Variants in HDAC7 observed in about 807,000 individuals in gnomAD.
HDAC7 encodes the protein histone deacetylase 7A.
A neutral mutation model predicts 115.5 loss-of-function variants in HDAC7; 26 were observed. The ratio of observed to expected loss-of-function variants is 0.23; its 90% CI spans 0.16 to 0.31. HDAC7 has a LOEUF of 0.31. Among genes scored for constraint, HDAC7 ranks in the 10% least tolerant of loss-of-function variants. HDAC7 has a pLI of 1.00. For missense variants in HDAC7, 1,068 were observed against 1,329.0 expected (o/e 0.80, Z 3.05); for synonymous variants, 564 against 550.9 (o/e 1.02, Z -0.33).
intron 15 of HDAC7, 48 bp from the exon 16 acceptor site, chr12:47,791,356 T>C: frequency 1.3e-6 from 2 of 1,517,878 alleles, no homozygotes; most frequent in East Asian, 2.4e-5. Flanking sequence ...TCTCAGCCTT[T>C]GGCCCAACAG....
chr12:47,796,697 T>TCCC (rs1266323923), intron 7 of HDAC7, among the ~76,000 whole-genome samples: 2 of 152,142 alleles, frequency 1.3e-5, no homozygotes, highest in African/African-American at 4.8e-5. Context: ...GTGCTGAGAT[T>TCCC]ATAGGCGTGA....
intron 24 of HDAC7, 43 bp from the exon 25 acceptor site, chr12:47,784,260 C>G: frequency 6.3e-7 from 1 of 1,578,850 alleles, no homozygotes; most frequent in Admixed American, 1.8e-5. Context: ...AGAAAGCAAG[C>G]CCCTCCACAC....
At chr12:47,800,994 A>G (rs1048403150) in intron 2 of HDAC7, among the ~76,000 whole-genome samples, 1 of 152,226 alleles carries the variant, frequency 6.6e-6, no homozygotes, top group Non-Finnish European at 1.5e-5. Context: ...TCCACCTGTC[A>G]CAAATCCACA....
chr12:47,796,067 C>T (rs1012814084), intron 8 of HDAC7, 51 bp from the exon 9 acceptor site: 8 of 1,535,134 alleles, frequency 5.2e-6, no homozygotes, highest in African/African-American at 1.4e-5. Flanking sequence ...TCTACCCCGG[C>T]GCACCTTCCC....
rs151069610 is a variant in HDAC7, at chr12:47,794,886, C to T, written c.1332G>A (p.Ser444=). The T allele has an allele frequency of 2.7e-5, 44 of 1,613,304 alleles. No individual in the cohort carries two copies. The African/African-American group carries it at 3.1e-4, about 11-fold the overall frequency. The change falls in exon 12 of 26, where the codon TCG becomes TCA. Residue 444 remains serine (S), a synonymous_variant. Transcript: ENST00000080059. The part of the protein sequence containing the change: ...SEKPRLRQIP[S]AEDLETDGGG... The stretch of plus-strand genomic sequence containing the variant: ...CGCCATCTGTCTCCAGGTCTTCAGC[C>T]GAGGGTATCTGCCGCAGCCGGGGCT...
chr12:47,798,623 C>T lies in HDAC7; in HGVS notation c.288G>A (p.Leu96=). 6.2e-7 allele frequency: 1 copy of T among 1,613,938 alleles called. No individual in the cohort carries two copies. Among genetic ancestry groups the T allele is most frequent in the East Asian group, 2.2e-5 (1 of 44,886 alleles). ...GCTCTTGTTCCTGGGGTCCCACCTG[C>T]AACTCGGGCATCGGCGTGTCCATGG... ...RLSMDTPMPE[L]QVGPQEQELR... is the part of the protein sequence containing the mutation. The change falls in exon 4 of 26, where the codon TTG becomes TTA. Residue 96 remains leucine (L), a synonymous_variant. Coordinates refer to ENST00000080059, the MANE Select transcript of HDAC7 (RefSeq NM_015401.5). This position sits in a 1 kb window ranked among gnomAD's most constrained non-coding sequence, Gnocchi z 4.3.
chr12:47,790,170 C>T (rs1277609789), intron 16 of HDAC7: 2 of 513,840 alleles, frequency 3.9e-6, no homozygotes, highest in Admixed American at 3.2e-5. Flanking sequence ...AGCATCACGC[C>T]TGCCTCCCCG....
intron 19 of HDAC7, 73 bp from the exon 20 acceptor site, chr12:47,788,237 G>C: frequency 6.6e-7 from 1 of 1,507,156 alleles, no homozygotes; most frequent in Non-Finnish European, 8.9e-7. Flanking sequence ...AGGGTTTCAA[G>C]GTCAGTGGCC....
At chr12:47,790,816 C>T (rs548284844) in intron 16 of HDAC7, 12 of 221,630 alleles carry the variant, frequency 5.4e-5, no homozygotes, top group Admixed American at 1.6e-4. Flanking sequence ...GTGCTGGGAT[C>T]GCCAAGGACA....
intron 1 of HDAC7, among the ~76,000 whole-genome samples, chr12:47,808,181 G>A (rs1170211228): frequency 6.6e-6 from 1 of 152,194 alleles, no homozygotes; most frequent in African/African-American, 2.4e-5. Flanking sequence ...GGGCCCTGAG[G>A]CAGCTATTTT....
chr12:47,812,790 T>C (rs1944722078), intron 1 of HDAC7: 1 of 152,252 alleles, frequency 6.6e-6, no homozygotes, highest in South Asian at 2.1e-4. Context: ...TCAGCATCCT[T>C]ACTCAAGATC....
At position 47,795,221 on chromosome 12, in the gene HDAC7, C is replaced by T. The variant is rs757098292; in HGVS notation, c.1247G>A (p.Arg416His). ...APPPPGPMQPRLEQLKTHVQV... is the reference protein window; with the variant it reads ...APPPPGPMQPHLEQLKTHVQV... The stretch of plus-strand genomic sequence containing the variant: ...GACGTGAGTTTTGAGCTGCTCCAGG[C>T]GGGGCTGCATGGGGCCCGGCGGTGG... The change falls in exon 11 of 26, where the codon CGC becomes CAC. Residue 416 changes from arginine to histidine, a missense_variant. By Grantham distance (29) the Arg-to-His change is conservative (BLOSUM62 0). Transcript: ENST00000080059. The surrounding 1 kb of genome is among the most constrained non-coding windows in gnomAD (Gnocchi z 4.3). The T allele has an allele frequency of 9.3e-6, 15 of 1,612,846 alleles. No individual in the cohort carries two copies. The highest frequency in any genetic ancestry group is 3.3e-5 in the South Asian group (3 of 90,938).
chr12:47,786,034 G>T, intron 22 of HDAC7, 149 bp from the exon 23 acceptor site: 1 of 853,008 alleles, frequency 1.2e-6, no homozygotes, highest in Non-Finnish European at 1.7e-6. Flanking sequence ...CACATTGAAT[G>T]TCGTACAAAA....
Position 47,793,437 on chromosome 12 carries a change from T to C in HDAC7, c.1610A>G (p.Glu537Gly), listed in dbSNP as rs1943639548. The C allele has an allele frequency of 1.3e-6, 2 of 1,560,764 alleles. No individual in the cohort carries two copies. The highest frequency in any genetic ancestry group is 2.7e-5 in the African/African-American group (2 of 74,156). Residue 537 changes from glutamate (E) to glycine (G), a missense_variant, in exon 13 of 26, where the codon GAG becomes GGG. Coordinates refer to ENST00000080059, the MANE Select transcript of HDAC7 (RefSeq NM_015401.5). The surrounding 1 kb of genome is among the most constrained non-coding windows in gnomAD (Gnocchi z 4.5). Reference protein sequence around the residue: ...PAAPASLSAPEPASQARVLSS... With the variant: ...PAAPASLSAPGPASQARVLSS... ...GAGGACTCGGGCCTGGCTGGCAGGC[T>C]CTGGGGCTGACAGTGAGGCAGGTGC...
At chr12:47,791,821 C>CCCAAAA in intron 14 of HDAC7, 50 bp downstream of exon 14, 2 of 1,540,974 alleles carry the variant, frequency 1.3e-6, no homozygotes, top group Non-Finnish European at 8.9e-7. Flanking sequence ...CCTCCCCTCC[C>CCCAAAA]ATGACTCCTC....
chr12:47,815,295 C>T (rs1336313696), intron 1 of HDAC7, among the ~76,000 whole-genome samples: 1 of 152,190 alleles, frequency 6.6e-6, no homozygotes, highest in African/African-American at 2.4e-5. Context: ...ATCGGGTCCA[C>T]GTCATCACAA....
intron 12 of HDAC7, 27 bp downstream of exon 12, chr12:47,794,733 C>G: frequency 6.5e-7 from 1 of 1,538,550 alleles, no homozygotes. Flanking sequence ...AGGACACTTT[C>G]TGAGGGGCAG....
intron 18 of HDAC7, 66 bp from the exon 19 acceptor site, chr12:47,789,414 G>A: frequency 6.3e-7 from 1 of 1,575,756 alleles, no homozygotes; most frequent in East Asian, 2.2e-5. Flanking sequence ...CAGGCCCCTG[G>A]GTTGGCCCAG....
At position 47,798,097 on chromosome 12, in the gene HDAC7, G is replaced by C. The variant is rs746808424; in HGVS notation, c.461+11C>G. 6.3e-7 allele frequency: 1 copy of C among 1,596,112 alleles called. No individual in the cohort carries two copies. The highest frequency in any genetic ancestry group is 8.6e-7 in the Non-Finnish European group (1 of 1,163,806). On this transcript the variant is annotated intron_variant, in intron 5 of 25. Transcript: ENST00000080059. This position sits in a 1 kb window ranked among gnomAD's most constrained non-coding sequence, Gnocchi z 4.3. ...ATGTGGGGACAGGAGGGCAGGTGAGGAGGGTGTTACCTGTAGGGAATGCCG... is the reference window on the plus strand; with the variant it reads ...ATGTGGGGACAGGAGGGCAGGTGAGCAGGGTGTTACCTGTAGGGAATGCCG...
Sources: allele counts gnomAD v4.1 joint callset (sites outside exome capture counted in the v4.1 genomes callset), GRCh38; gene constraint gnomAD v4.1.1; non-coding constraint Gnocchi (gnomAD v3.1); transcripts MANE v1.5; gene names NCBI Gene and HGNC (gene_info 2026-07-23, HGNC 2026-07-21).